Variants in CDH8 observed in about 807,000 individuals in gnomAD.
CDH8 encodes cadherin-8.
A neutral mutation model predicts 68.1 loss-of-function variants in CDH8; 17 were observed. The observed-to-expected ratio is 0.25, with a 90% CI of 0.17 to 0.37. The LOEUF (loss-of-function observed/expected upper bound fraction) is 0.37. Among genes scored for constraint, CDH8 ranks in the 10% least tolerant of loss-of-function variants. The pLI is 1.00. For missense variants in CDH8, 763 were observed against 999.3 expected (o/e 0.76, Z 3.19); for synonymous variants, 372 against 365.1 (o/e 1.02, Z -0.21).
chr16:61,741,337 A>C (rs1354061613), intron 8 of CDH8, among the ~76,000 whole-genome samples: 1 of 152,054 alleles, frequency 6.6e-6, no homozygotes, highest in Non-Finnish European at 1.5e-5. Context: ...CCAATGGCTT[A>C]ATTTTTCTTT....
chr16:61,897,131 C>CAT (rs1210178928), intron 3 of CDH8, among the ~76,000 whole-genome samples: 1 of 149,600 alleles, frequency 6.7e-6, no homozygotes, highest in Non-Finnish European at 1.5e-5. Context: ...CTATATACAA[C>CAT]ATATATATGT....
intron 2 of CDH8, among the ~76,000 whole-genome samples, chr16:61,911,106 T>C (rs989667953): frequency 2.6e-5 from 4 of 151,998 alleles, no homozygotes; most frequent in African/African-American, 7.2e-5. Flanking sequence ...TGAATAGTAA[T>C]AGTGGGTCAA....
chr16:61,857,919 G>T (rs1963076933), intron 3 of CDH8, among the ~76,000 whole-genome samples: 1 of 151,890 alleles, frequency 6.6e-6, no homozygotes, highest in African/African-American at 2.4e-5. Context: ...TTACCCTGTA[G>T]GAAATAGGGA....
At chr16:62,031,666 A>G (rs1902328772) in intron 1 of CDH8, among the ~76,000 whole-genome samples, 1 of 119,660 alleles carries the variant, frequency 8.4e-6, no homozygotes, top group East Asian at 2.1e-4. Context: ...ACTTAAACAC[A>G]CACACCCACA....
chr16:61,923,881 A>G (rs890817706), intron 2 of CDH8, among the ~76,000 whole-genome samples: 3 of 147,874 alleles, frequency 2.0e-5, no homozygotes. Context: ...TACTATATAT[A>G]TTTAAATATA....
At chr16:61,726,214 C>T (rs1959360674) in intron 9 of CDH8, 1 of 150,844 alleles carries the variant, frequency 6.6e-6, no homozygotes, top group Non-Finnish European at 1.5e-5. Flanking sequence ...TAAAATGTCA[C>T]CATCCAGAAA....
intron 10 of CDH8, among the ~76,000 whole-genome samples, chr16:61,656,170 C>T (rs913846925): frequency 1.3e-5 from 2 of 152,158 alleles, no homozygotes; most frequent in African/African-American, 4.8e-5. Context: ...CTGCGCCCGG[C>T]CTGCGCTTTT....
chr16:61,667,044 C>T (rs1302623957), intron 10 of CDH8: 3 of 151,920 alleles, frequency 2.0e-5, no homozygotes, highest in Non-Finnish European at 4.4e-5. Flanking sequence ...CCTTCAGTAC[C>T]ATTATAACTT....
intron 5 of CDH8, among the ~76,000 whole-genome samples, chr16:61,823,584 C>A (rs1487401288): frequency 2.0e-5 from 3 of 151,788 alleles, no homozygotes; most frequent in Non-Finnish European, 4.4e-5. Context: ...TAACTGGCTG[C>A]AAAGCAGAAA....
At chr16:61,777,635 G>T (rs1363136970) in intron 8 of CDH8, among the ~76,000 whole-genome samples, 1 of 152,158 alleles carries the variant, frequency 6.6e-6, no homozygotes, top group Non-Finnish European at 1.5e-5. Flanking sequence ...GGAAGAGGTG[G>T]TGGGAGAAAA....
chr16:62,021,791 T>G (rs1351207021), intron 1 of CDH8, among the ~76,000 whole-genome samples, 189 bp from the exon 2 acceptor site: 8 of 152,186 alleles, frequency 5.3e-5, no homozygotes, highest in Admixed American at 2.0e-4. Context: ...TTTATTTAGA[T>G]TTTAGCTTTC....
At chr16:61,834,535 A>G (rs1374247944) in intron 4 of CDH8, among the ~76,000 whole-genome samples, 2 of 151,958 alleles carry the variant, frequency 1.3e-5, no homozygotes, top group Non-Finnish European at 2.9e-5. Context: ...CTCAATATAA[A>G]TTTGTAGGGC....
intron 2 of CDH8, among the ~76,000 whole-genome samples, chr16:61,983,684 G>C (rs963228924): frequency 1.3e-5 from 2 of 152,002 alleles, no homozygotes; most frequent in African/African-American, 4.8e-5. Context: ...TGTCATCTTA[G>C]TCTGCTCAGG....
chr16:61,986,173 C>T (rs2150585936), intron 2 of CDH8, among the ~76,000 whole-genome samples: 1 of 152,236 alleles, frequency 6.6e-6, no homozygotes. Flanking sequence ...ATCTGCCTGC[C>T]TCAGCCTCCC....
chr16:61,795,254 G>A (rs1961469425), intron 7 of CDH8, among the ~76,000 whole-genome samples: 5 of 152,038 alleles, frequency 3.3e-5, no homozygotes, highest in Admixed American at 3.3e-4. Flanking sequence ...TCTGTATCAT[G>A]TAATTTCTCA....
intron 3 of CDH8, among the ~76,000 whole-genome samples, chr16:61,860,392 T>C (rs1347698595): frequency 6.6e-6 from 1 of 152,148 alleles, no homozygotes; most frequent in African/African-American, 2.4e-5. Flanking sequence ...TAACTATTTT[T>C]GCAACTTTTC....
At chr16:61,881,065 C>T (rs998738681) in intron 3 of CDH8, among the ~76,000 whole-genome samples, 6 of 152,084 alleles carry the variant, frequency 3.9e-5, no homozygotes, top group South Asian at 2.1e-4. Flanking sequence ...CTTGCCCAGT[C>T]GAGTCCCAGA....
At chr16:61,757,113 A>G (rs1304646443) in intron 8 of CDH8, among the ~76,000 whole-genome samples, 1 of 152,196 alleles carries the variant, frequency 6.6e-6, no homozygotes, top group Non-Finnish European at 1.5e-5. Flanking sequence ...AGTAGGAGAA[A>G]TATTATTAAT....
At chr16:61,730,795 T>A (rs1959512855) in intron 8 of CDH8, among the ~76,000 whole-genome samples, 1 of 151,556 alleles carries the variant, frequency 6.6e-6, no homozygotes, top group South Asian at 2.1e-4. Context: ...TTTCTCTAGT[T>A]ATCCCTCAAA....
Sources: allele counts gnomAD v4.1 joint callset (sites outside exome capture counted in the v4.1 genomes callset), GRCh38; gene constraint gnomAD v4.1.1; transcripts MANE v1.5; gene names NCBI Gene and HGNC (gene_info 2026-07-23, HGNC 2026-07-21).